The following LGR5 variants were observed in gnomAD, a reference collection of about 807,000 sequenced individuals.
LGR5 encodes the protein leucine-rich repeat-containing G protein-coupled receptor 5.
LGR5 carries 54 observed loss-of-function variants against 76.7 expected under a neutral mutation model. The observed-to-expected ratio is 0.70, with a 90% confidence interval of 0.57 to 0.88. The LOEUF is 0.88. LGR5 is among the 40% of genes least tolerant of loss of function. The pLI is 0.00. For synonymous variants in LGR5, 406 were observed against 421.9 expected (o/e 0.96, Z 0.46); for missense variants, 1,078 against 1,073.3 (o/e 1.00, Z -0.06).
intron 4 of LGR5, among the ~76,000 whole-genome samples, chr12:71,551,021 A>T (rs759004908): frequency 6.6e-6 from 1 of 152,230 alleles, no homozygotes; most frequent in Non-Finnish European, 1.5e-5. Context: ...TTTTCTAAAC[A>T]TTTGTGGCTC....
chr12:71,483,181 G>A (rs969687502), intron 1 of LGR5, among the ~76,000 whole-genome samples: 16 of 152,086 alleles, frequency 1.1e-4, no homozygotes, highest in Admixed American at 4.6e-4. Flanking sequence ...AAAGACTGAG[G>A]CGAAGAAGTC....
chr12:71,568,745 C>T (rs996617177), intron 11 of LGR5, among the ~76,000 whole-genome samples: 1 of 152,186 alleles, frequency 6.6e-6, no homozygotes, highest in Non-Finnish European at 1.5e-5. Context: ...GTACAAGGTG[C>T]TTTATGTTCT....
At chr12:71,576,920 T>C (rs1387697872) in intron 13 of LGR5, among the ~76,000 whole-genome samples, 1 of 152,178 alleles carries the variant, frequency 6.6e-6, no homozygotes, top group Non-Finnish European at 1.5e-5. Context: ...TTTGTAGCTT[T>C]TCTACCTTCC....
chr12:71,560,716 C>G (rs1274049468), intron 7 of LGR5, among the ~76,000 whole-genome samples: 3 of 152,172 alleles, frequency 2.0e-5, no homozygotes, highest in Non-Finnish European at 4.4e-5. Flanking sequence ...TGCTTTGAAC[C>G]AGAGGGGCGG....
At chr12:71,548,291 C>G (rs1002364662) in intron 4 of LGR5, among the ~76,000 whole-genome samples, 3 of 86,796 alleles carry the variant, frequency 3.5e-5, no homozygotes, top group African/African-American at 9.8e-5. Context: ...AAACTATTTG[C>G]CTTGTTGCAC....
chr12:71,443,034 T>C (rs1013598061), intron 1 of LGR5, among the ~76,000 whole-genome samples: 6 of 152,226 alleles, frequency 3.9e-5, no homozygotes, highest in African/African-American at 9.7e-5. Flanking sequence ...AGAACTACTA[T>C]CTTTTATTAT....
At chr12:71,455,645 C>G (rs1164995352) in intron 1 of LGR5, among the ~76,000 whole-genome samples, 2 of 152,166 alleles carry the variant, frequency 1.3e-5, no homozygotes, top group African/African-American at 4.8e-5. Flanking sequence ...ATTTGTGCAC[C>G]TAGCAGCAAA....
At chr12:71,574,759 A>G (rs780824947) in intron 13 of LGR5, among the ~76,000 whole-genome samples, 4 of 151,978 alleles carry the variant, frequency 2.6e-5, no homozygotes, top group Non-Finnish European at 5.9e-5. Flanking sequence ...CCCATTGCCT[A>G]TAGGATTCCT....
rs185998351 is a variant in LGR5, at chr12:71,495,079, G to T, written c.213-9535G>T. Among the ~76,000 whole-genome samples, 34 of 141,040 alleles carry T rather than the reference G, an allele frequency of 2.4e-4. No homozygotes were observed. In the South Asian group the frequency reaches 5.5e-3, roughly 23 times the overall value. The allele number at this position is 141,040 out of a possible 152,430, so 92.5% of individuals were successfully genotyped here. Reference sequence around the variant, plus strand: ...TGGCCCAAGGATTTGGGGCGTAGTCGGGGGGGGTCTCCTTTGAATCCCACT... The same window carrying T: ...TGGCCCAAGGATTTGGGGCGTAGTCTGGGGGGGTCTCCTTTGAATCCCACT... On this transcript the variant is annotated intron_variant, in intron 1 of 17. Transcript: ENST00000266674.
chr12:71,479,457 G>C (rs1873487345), intron 1 of LGR5, among the ~76,000 whole-genome samples: 1 of 152,196 alleles, frequency 6.6e-6, no homozygotes, highest in Non-Finnish European at 1.5e-5. Context: ...TTAAAAGCTG[G>C]CGATTCAGCA....
intron 4 of LGR5, among the ~76,000 whole-genome samples, chr12:71,545,597 T>G (rs894155049): frequency 6.6e-6 from 1 of 152,216 alleles, no homozygotes; most frequent in African/African-American, 2.4e-5. Context: ...TTTGGCTTTT[T>G]TTTTTCTCCA....
At chr12:71,546,606 A>G (rs902452659) in intron 4 of LGR5, among the ~76,000 whole-genome samples, 1 of 151,782 alleles carries the variant, frequency 6.6e-6, no homozygotes, top group Non-Finnish European at 1.5e-5. Flanking sequence ...GCCCTTCCTC[A>G]CCATTTTCAC....
intron 2 of LGR5, among the ~76,000 whole-genome samples, chr12:71,507,493 A>G (rs1314385387): frequency 6.6e-6 from 1 of 152,174 alleles, no homozygotes; most frequent in Admixed American, 6.5e-5. Context: ...CCCAGGAGGA[A>G]GAGATTGGAT....
chr12:71,536,073 C>T (rs1178200828), intron 4 of LGR5, among the ~76,000 whole-genome samples: 1 of 152,094 alleles, frequency 6.6e-6, no homozygotes, highest in Non-Finnish European at 1.5e-5. Context: ...CAATATATCA[C>T]ACGTGTGATA....
At chr12:71,569,510 C>T (rs1205053071) in intron 11 of LGR5, among the ~76,000 whole-genome samples, 1 of 30,684 alleles carries the variant, frequency 3.3e-5, no homozygotes, top group Non-Finnish European at 3.6e-4. Flanking sequence ...TGAACAGACA[C>T]TTCTCAAAAA....
At chr12:71,578,437 G>C (rs1878951918) in intron 14 of LGR5, among the ~76,000 whole-genome samples, 1 of 152,042 alleles carries the variant, frequency 6.6e-6, no homozygotes, top group African/African-American at 2.4e-5. Flanking sequence ...CAGAAGTTAG[G>C]AGAAGAGGAA....
At chr12:71,487,122 C>T (rs1319490077) in intron 1 of LGR5, among the ~76,000 whole-genome samples, 7 of 152,262 alleles carry the variant, frequency 4.6e-5, no homozygotes. Context: ...CCATGACTCA[C>T]CAGTTGGGAG....
In LGR5 at chr12:71,584,959, T is replaced by A. The variant is rs926980801; in HGVS notation, c.*225T>A. ...TTTGTTCAGCTAAGGGATAGATCGA[T>A]CACACTATTTAAGTGAGCCCAGATC... On this transcript the variant is annotated 3_prime_UTR_variant, in exon 18 of 18. Coordinates refer to ENST00000266674, the MANE Select transcript of LGR5 (RefSeq NM_003667.4). 1.2e-5 allele frequency: 6 copies of A among 509,822 alleles called. No individual in the cohort carries two copies. The highest frequency in any genetic ancestry group is 2.1e-5 in the Non-Finnish European group (6 of 290,244). 31.6% of individuals were successfully genotyped at this position (509,822 alleles called of 1,614,324 possible).
At chr12:71,465,797 G>C (rs2137234283) in intron 1 of LGR5, among the ~76,000 whole-genome samples, 1 of 152,312 alleles carries the variant, frequency 6.6e-6, no homozygotes, top group Admixed American at 6.5e-5. Context: ...AAAATAAGCA[G>C]TGTCTGGTAA....
Sources: gnomAD v4.1 joint callset for allele counts (sites outside exome capture counted in the v4.1 genomes callset) on GRCh38, gnomAD v4.1.1 for gene constraint, MANE v1.5 for transcripts, NCBI Gene and HGNC (gene_info 2026-07-23, HGNC 2026-07-21) for gene names.